The following CFAP299 variants were observed in gnomAD, a reference collection of about 807,000 sequenced individuals.
The protein encoded by CFAP299 is cilia and flagella associated protein 299.
CFAP299 carries 21 observed loss-of-function variants against 27.0 expected under a neutral mutation model. The observed-to-expected ratio is 0.78, with a 90% CI of 0.55 to 1.12. CFAP299 has a LOEUF of 1.12. Among genes scored for constraint, CFAP299 ranks in the 50% most tolerant of loss-of-function variants. The pLI, the probability that CFAP299 is intolerant of heterozygous loss-of-function variation, is 0.00. For missense variants in CFAP299, 310 were observed against 276.6 expected, an observed-to-expected ratio of 1.12 and a Z score of -0.86; for synonymous variants, 104 against 98.1, an observed-to-expected ratio of 1.06 and a Z score of -0.36.
chr4:80,430,703 TC>T (rs997707925), intron 2 of CFAP299, among the ~76,000 whole-genome samples: 7 of 152,292 alleles, frequency 4.6e-5, no homozygotes, highest in Admixed American at 2.6e-4. Context: ...CTCCTGAGCA[TC>T]CCTTCTAAAC....
intron 2 of CFAP299, among the ~76,000 whole-genome samples, chr4:80,582,062 A>T (rs1175885249): frequency 2.6e-5 from 4 of 151,754 alleles, no homozygotes; most frequent in African/African-American, 9.7e-5. Flanking sequence ...TTTTGCCATT[A>T]CCCGATTGCC....
intron 2 of CFAP299, among the ~76,000 whole-genome samples, chr4:80,365,229 T>C (rs1187698147): frequency 4.6e-5 from 7 of 152,174 alleles, no homozygotes; most frequent in Non-Finnish European, 1.0e-4. Flanking sequence ...AAAGTGTTCC[T>C]TTTTCTCCAC....
At chr4:80,438,313 A>T (rs1156872) in intron 2 of CFAP299, among the ~76,000 whole-genome samples, 29,312 of 152,046 alleles carry the variant, frequency 0.19, 2,992 homozygotes, top group South Asian at 0.29. Flanking sequence ...GCCTTCAGTA[A>T]ATGCAAAGGC....
At chr4:80,641,640 A>G (rs767482569) in intron 3 of CFAP299, among the ~76,000 whole-genome samples, 2 of 152,232 alleles carry the variant, frequency 1.3e-5, no homozygotes, top group Non-Finnish European at 2.9e-5. Context: ...TAGGTGCTGT[A>G]CAGAATTTAA....
chr4:80,708,665 A>G (rs543079517), intron 3 of CFAP299, among the ~76,000 whole-genome samples: 1 of 152,222 alleles, frequency 6.6e-6, no homozygotes, highest in Admixed American at 6.5e-5. Context: ...ACAGCTTTCA[A>G]TGGAAAGAGT....
chr4:80,608,777 T>C (rs1560653597), intron 3 of CFAP299, among the ~76,000 whole-genome samples: 1 of 151,916 alleles, frequency 6.6e-6, no homozygotes, highest in Non-Finnish European at 1.5e-5. Flanking sequence ...TGAGTAATAA[T>C]AGAGTTAGAA....
intron 2 of CFAP299, among the ~76,000 whole-genome samples, chr4:80,496,082 G>A (rs1731422536): frequency 6.6e-6 from 1 of 152,158 alleles, no homozygotes; most frequent in Non-Finnish European, 1.5e-5. Flanking sequence ...ATTAGCAGTT[G>A]CCTTTTTTTA....
chr4:80,930,969 C>A lies in CFAP299; in HGVS notation c.477-13841C>A, dbSNP rs558396525. Among the ~76,000 whole-genome samples the A allele has an allele frequency of 2.6e-5, 4 of 152,110 alleles. No homozygotes were observed. In the South Asian group the frequency reaches 8.3e-4, roughly 32 times the overall value. ...ACAAGGTTTCTCTCCTCTGTCTTTT[C>A]ATAGCATTCCAGGCATTCTTGTATT... is the stretch of plus-strand genomic sequence containing the variant. On this transcript the variant is annotated intron_variant, in intron 4 of 5. Coordinates refer to ENST00000358105, the MANE Select transcript of CFAP299 (RefSeq NM_152770.3).
chr4:80,749,095 A>G (rs1560732037), intron 3 of CFAP299, among the ~76,000 whole-genome samples: 2 of 152,172 alleles, frequency 1.3e-5, no homozygotes, highest in Non-Finnish European at 1.5e-5. Context: ...CCTGAGATCT[A>G]CTGTATGCAT....
intron 3 of CFAP299, among the ~76,000 whole-genome samples, chr4:80,707,187 G>C (rs372206962): frequency 1.4e-4 from 21 of 152,010 alleles, no homozygotes; most frequent in African/African-American, 5.1e-4. Flanking sequence ...CTAAATTTTA[G>C]AACAGGGGCT....
At chr4:80,722,502 C>T (rs1219681050) in intron 3 of CFAP299, among the ~76,000 whole-genome samples, 1 of 151,758 alleles carries the variant, frequency 6.6e-6, no homozygotes, top group African/African-American at 2.4e-5. Flanking sequence ...TCAAAAGACA[C>T]TCTTAGTAGA....
intron 2 of CFAP299, among the ~76,000 whole-genome samples, chr4:80,506,454 T>G (rs1013129615): frequency 6.6e-6 from 1 of 152,150 alleles, no homozygotes; most frequent in Admixed American, 6.6e-5. Context: ...AAGTCTGTGG[T>G]TTATTATTTC....
chr4:80,893,995 G>C (rs894360979), intron 4 of CFAP299, among the ~76,000 whole-genome samples: 1 of 151,460 alleles, frequency 6.6e-6, no homozygotes, highest in African/African-American at 2.4e-5. Flanking sequence ...AAATATATAA[G>C]AAACACAAGC....
intron 4 of CFAP299, among the ~76,000 whole-genome samples, chr4:80,939,313 CT>C (rs1462768696): frequency 1.3e-5 from 2 of 152,084 alleles, no homozygotes; most frequent in Admixed American, 1.3e-4. Context: ...CATATACTGT[CT>C]CATTTGATGG....
chr4:80,797,900 A>G (rs1438693560), intron 3 of CFAP299, among the ~76,000 whole-genome samples: 1 of 152,090 alleles, frequency 6.6e-6, no homozygotes, highest in Admixed American at 6.6e-5. Context: ...CAATCTTTTA[A>G]TCCATATTTC....
At chr4:80,806,993 A>G (rs960694417) in intron 3 of CFAP299, among the ~76,000 whole-genome samples, 2 of 152,170 alleles carry the variant, frequency 1.3e-5, no homozygotes, top group Non-Finnish European at 2.9e-5. Context: ...ATGAGAAAGA[A>G]TTACCTTTGG....
intron 2 of CFAP299, among the ~76,000 whole-genome samples, chr4:80,502,644 T>C (rs1212231185): frequency 1.3e-5 from 2 of 152,124 alleles, no homozygotes; most frequent in Non-Finnish European, 2.9e-5. Context: ...CACCTCTTTC[T>C]TGGTTTTCTG....
chr4:80,484,949 G>T (rs1730735112), intron 2 of CFAP299, among the ~76,000 whole-genome samples: 1 of 152,116 alleles, frequency 6.6e-6, no homozygotes, highest in Non-Finnish European at 1.5e-5. Context: ...AGGAATGACA[G>T]CATTAGCAAA....
intron 2 of CFAP299, among the ~76,000 whole-genome samples, chr4:80,389,915 G>C (rs1725233270): frequency 6.6e-6 from 1 of 152,142 alleles, no homozygotes; most frequent in Admixed American, 6.5e-5. Context: ...TTGAAGCATA[G>C]TGTCTCCAGA....
Sources: gnomAD v4.1 joint callset for allele counts (sites outside exome capture counted in the v4.1 genomes callset) on GRCh38, gnomAD v4.1.1 for gene constraint, MANE v1.5 for transcripts, NCBI Gene and HGNC (gene_info 2026-07-23, HGNC 2026-07-21) for gene names.